ATXN7: variants seen among roughly 807,000 people sequenced by gnomAD.
ATXN7 encodes ataxin 7, also known as ataxin-7.
Under a neutral mutation model 70.5 loss-of-function variants are expected in ATXN7, and 12 were observed. The observed-to-expected ratio is 0.17, with a 90% CI of 0.11 to 0.28. The LOEUF is 0.28. Ranked by LOEUF, ATXN7 falls within the 10% of genes least tolerant of loss-of-function variation. The pLI, the probability that ATXN7 is intolerant of heterozygous loss-of-function variation, is 1.00. For missense variants in ATXN7, 1,256 were observed against 1,131.7 expected (o/e 1.11, Z -1.58); for synonymous variants, 498 against 448.7 (o/e 1.11, Z -1.39).
chr3:63,974,942 T>C (rs17069583), intron 5 of ATXN7, among the ~76,000 whole-genome samples: 3,050 of 152,296 alleles, frequency 0.02, 105 homozygotes, highest in African/African-American at 0.067. Flanking sequence ...GTGTGGTTAA[T>C]AATACACGTG....
At chr3:63,990,540 G>A in intron 10 of ATXN7, 166 bp downstream of exon 10, 2 of 1,144,518 alleles carry the variant, frequency 1.7e-6, no homozygotes, top group Non-Finnish European at 1.2e-6. Context: ...ACTCTGTACG[G>A]GGGACATCTC....
chr3:63,869,888 G>T (rs1702545620), intron 1 of ATXN7, among the ~76,000 whole-genome samples: 2 of 152,108 alleles, frequency 1.3e-5, no homozygotes, highest in Admixed American at 1.3e-4. Flanking sequence ...CTTCTCCATT[G>T]TTCTTAGCCA....
rs533444135 is a variant in ATXN7, at chr3:63,973,592, C to T, written c.500-6323C>T. Among the ~76,000 whole-genome samples, 15 of 152,250 alleles carry T rather than the reference C, an allele frequency of 9.9e-5. No individual in the cohort carries two copies. In the South Asian group the frequency reaches 2.5e-3, roughly 25 times the overall value. ...TGATACGCCCTGCTTGGGCCTCCCT[C>T]GGCCACGCTGGGTGTGCCGCAGCTT... is the stretch of plus-strand genomic sequence containing the variant. On this transcript the variant is annotated intron_variant, in intron 5 of 12. Transcript: ENST00000674280.
chr3:63,992,974 A>G (rs1350278488), intron 11 of ATXN7, among the ~76,000 whole-genome samples: 1 of 152,176 alleles, frequency 6.6e-6, no homozygotes, highest in African/African-American at 2.4e-5. Flanking sequence ...GAAACTTTCA[A>G]AGTGATCCAG....
intron 5 of ATXN7, among the ~76,000 whole-genome samples, chr3:63,953,753 C>T (rs72883997): frequency 0.024 from 3,578 of 151,550 alleles, 139 homozygotes; most frequent in African/African-American, 0.081. Flanking sequence ...CAGATTCAAG[C>T]AATTCCCTTG....
At chr3:63,864,958 A>G (rs1434697961) in intron 1 of ATXN7, 1 of 152,216 alleles carries the variant, frequency 6.6e-6, no homozygotes, top group African/African-American at 2.4e-5. Flanking sequence ...CCAGTGGGAT[A>G]GATACGATTA....
intron 1 of ATXN7, among the ~76,000 whole-genome samples, chr3:63,870,015 T>C (rs1702549333): frequency 6.6e-6 from 1 of 152,140 alleles, no homozygotes; most frequent in Non-Finnish European, 1.5e-5. Context: ...AACTGTGTGA[T>C]TTTATAGCCT....
rs1461097903 is a variant in ATXN7, at chr3:64,001,671, C to T, written c.*2204C>T. The T allele has an allele frequency of 1.3e-5, 2 of 152,108 alleles. No homozygotes were observed. Among genetic ancestry groups the T allele is most frequent in the Non-Finnish European group, 2.9e-5 (2 of 68,020 alleles). 9.4% of individuals were successfully genotyped at this position (152,108 alleles called of 1,614,324 possible). On this transcript the variant is annotated 3_prime_UTR_variant, in exon 13 of 13. Transcript: ENST00000674280. Reference sequence around the variant, plus strand: ...GTTTTAAATGAATTTCATTATTTCTCCCGGTAATACACAGAGCATCGGGAT... The same window carrying T: ...GTTTTAAATGAATTTCATTATTTCTTCCGGTAATACACAGAGCATCGGGAT...
rs997324619 is a variant in ATXN7 at position 63,990,250 on chromosome 3, C to T, written c.1436C>T (p.Pro479Leu). ...CCTCCAGTCCATGAATCTCCACACC[C>T]TCCCCTGCCTGCCACTGAGCCAGCT... ...DPPPVHESPH[P>L]PLPATEPASR... is the part of the protein sequence containing the mutation. Residue 479 changes from proline (P) to leucine (L), a missense_variant, in exon 10 of 13, where the codon CCT (proline) becomes CTT (leucine). Physicochemically the swap from Pro to Leu is moderately conservative, Grantham distance 98 (BLOSUM62 -3). Coordinates refer to ENST00000674280, the MANE Select transcript of ATXN7 (RefSeq NM_001377405.1). 3.7e-6 allele frequency: 6 copies of T among 1,613,988 alleles called. No individual in the cohort carries two copies. The African/African-American group carries it at 6.7e-5, about 18-fold the overall frequency.
rs977511896 is a variant in ATXN7 at position 63,976,898 on chromosome 3, G to A, written c.500-3017G>A. 9.2e-5 allele frequency among the ~76,000 whole-genome samples: 14 copies of A among 152,290 alleles called. No individual in the cohort carries two copies. The East Asian group carries it at 1.9e-3, about 21-fold the overall frequency. ...AGCACAGTCTTACAAATGTTAAATG[G>A]TAAAAAAATACATAAATACTAGAAT... On this transcript the variant is annotated intron_variant, in intron 5 of 12. Transcript: ENST00000674280.
In ATXN7 at chr3:63,869,992, T is replaced by A. The variant is rs944892239; in HGVS notation, c.-111+5834T>A. 1.2e-4 allele frequency among the ~76,000 whole-genome samples: 18 copies of A among 152,162 alleles called. 1 individual carries two copies. Among genetic ancestry groups the A allele is most frequent in the Admixed American group, 6.5e-5 (1 of 15,272 alleles). On this transcript the variant is annotated intron_variant, in intron 1 of 12. Transcript: ENST00000674280. ...ACAAGCCTGCACAGGTTTGGAGCTG[T>A]GATCCATCAAACAACTGTGTGATTT...
At chr3:63,992,117 G>A (rs1329140821) in intron 11 of ATXN7, among the ~76,000 whole-genome samples, 1 of 152,174 alleles carries the variant, frequency 6.6e-6, no homozygotes, top group Non-Finnish European at 1.5e-5. Flanking sequence ...GACTCTGCCA[G>A]TACATTCATT....
chr3:63,987,563 G>A (rs1165560447), intron 8 of ATXN7, among the ~76,000 whole-genome samples: 1 of 152,158 alleles, frequency 6.6e-6, no homozygotes, highest in African/African-American at 2.4e-5. Flanking sequence ...ATAGAGGGAC[G>A]CAATTGTGTT....
rs774868672 is a variant in ATXN7, at chr3:63,913,220, G to A, written c.389G>A (p.Arg130Gln). The part of the protein sequence containing the change: ...GKNREVMGLC[R>Q]EDMPIFGFCP... ...AACCGCGAAGTCATGGGGCTCTGTCGGGAAGGTGAGTCCAGCCCCCCTGAT... is the reference window on the plus strand; with the variant it reads ...AACCGCGAAGTCATGGGGCTCTGTCAGGAAGGTGAGTCCAGCCCCCCTGAT... Residue 130 changes from arginine (R) to glutamine (Q), a missense_variant, in exon 4 of 13, where the codon CGG becomes CAG. Coordinates refer to ENST00000674280, the MANE Select transcript of ATXN7 (RefSeq NM_001377405.1). The A allele has an allele frequency of 6.2e-7, 1 of 1,613,790 alleles. No homozygotes were observed.
chr3:63,994,242 G>C (rs576999030), intron 11 of ATXN7, among the ~76,000 whole-genome samples: 2 of 152,144 alleles, frequency 1.3e-5, no homozygotes, highest in South Asian at 4.2e-4. Context: ...TGTTTGTTTT[G>C]TTTTGTTTTT....
chr3:63,974,056 G>A (rs185831991), intron 5 of ATXN7, among the ~76,000 whole-genome samples: 3 of 152,144 alleles, frequency 2.0e-5, no homozygotes, highest in Admixed American at 2.0e-4. Context: ...GCTTTAAACT[G>A]TCTTCGACTT....
intron 5 of ATXN7, among the ~76,000 whole-genome samples, chr3:63,959,556 C>T (rs996848752): frequency 2.6e-5 from 4 of 151,986 alleles, no homozygotes; most frequent in African/African-American, 4.8e-5. Flanking sequence ...AGAGTGATAG[C>T]GTGACATACA....
In ATXN7 at chr3:63,996,595, AT is replaced by A. The variant is rs1223892730; in HGVS notation, c.2661+114del. On this transcript the variant is annotated intron_variant, in intron 12 of 12. Transcript: ENST00000674280. ...TTGGTTGGTTGGTTTGTAAACAGAT[AT>A]TCAGCTTCATGGTGTCTTCTTAAAA... The A allele has an allele frequency of 2.1e-5, 14 of 659,782 alleles. No homozygotes were observed. In the Admixed American group the frequency reaches 4.6e-4, roughly 22 times the overall value. The allele number at this position is 659,782 out of a possible 1,614,324, so 40.9% of individuals were successfully genotyped here.
intron 9 of ATXN7, 67 bp downstream of exon 9, chr3:63,988,391 C>T (rs1181514263): frequency 1.0e-5 from 16 of 1,584,296 alleles, no homozygotes; most frequent in Middle Eastern, 1.8e-4. Flanking sequence ...TGTAAAATTT[C>T]AGTATGGTCA....
Sources: allele counts gnomAD v4.1 joint callset (sites outside exome capture counted in the v4.1 genomes callset), GRCh38; gene constraint gnomAD v4.1.1; transcripts MANE v1.5; gene names NCBI Gene and HGNC (gene_info 2026-07-23, HGNC 2026-07-21).